The following SOX5 variants were observed in gnomAD, a reference collection of about 807,000 sequenced individuals.
SOX5 encodes SRY-box transcription factor 5, also known as transcription factor SOX-5.
A neutral mutation model predicts 92.0 loss-of-function variants in SOX5; 9 were observed. The ratio of observed to expected loss-of-function variants is 0.10; its 90% confidence interval spans 0.06 to 0.17. SOX5 has a LOEUF of 0.17. Ranked by LOEUF, SOX5 falls within the 10% of genes least tolerant of loss-of-function variation. The probability of loss-of-function intolerance (pLI) is 1.00; values close to 1 mark genes in which losing one functional copy is unlikely to be tolerated. For missense variants in SOX5, 642 were observed against 944.5 expected (o/e 0.68, Z 4.20); for synonymous variants, 344 against 336.3 (o/e 1.02, Z -0.25).
intron 1 of SOX5, among the ~76,000 whole-genome samples, chr12:24,391,891 T>A (rs1304706286): frequency 6.6e-6 from 1 of 152,208 alleles, no homozygotes; most frequent in Non-Finnish European, 1.5e-5. Flanking sequence ...AGTCTCTTGA[T>A]GCTTTTCTTC....
At chr12:23,854,591 TA>T (rs2096667536) in intron 2 of SOX5, among the ~76,000 whole-genome samples, 1 of 152,040 alleles carries the variant, frequency 6.6e-6, no homozygotes, top group South Asian at 2.1e-4. Context: ...ATAAACTTTT[TA>T]AAAAGGAAAT....
At chr12:24,017,433 C>T (rs1569491995) in intron 4 of SOX5, among the ~76,000 whole-genome samples, 1 of 151,832 alleles carries the variant, frequency 6.6e-6, no homozygotes, top group African/African-American at 2.4e-5. Context: ...CCCATCTCTA[C>T]TAAAAATGCA....
chr12:23,904,006 C>T (rs1425461178), intron 1 of SOX5, among the ~76,000 whole-genome samples: 2 of 152,114 alleles, frequency 1.3e-5, no homozygotes, highest in South Asian at 4.1e-4. Context: ...TAAAAAATAT[C>T]AATTTCATTA....
At chr12:24,039,124 T>C (rs1289777665) in intron 4 of SOX5, among the ~76,000 whole-genome samples, 1 of 152,110 alleles carries the variant, frequency 6.6e-6, no homozygotes, top group African/African-American at 2.4e-5. Flanking sequence ...TTTCTAATGG[T>C]AAATACTAAA....
At chr12:24,335,211 C>A (rs993263329) in intron 2 of SOX5, among the ~76,000 whole-genome samples, 1 of 152,146 alleles carries the variant, frequency 6.6e-6, no homozygotes, top group African/African-American at 2.4e-5. Context: ...TCTCAACAAA[C>A]CTGAATGTTC....
At chr12:23,743,494 TA>T (rs1201598129) in intron 4 of SOX5, among the ~76,000 whole-genome samples, 1 of 151,994 alleles carries the variant, frequency 6.6e-6, no homozygotes, top group Admixed American at 6.6e-5. Flanking sequence ...ATATTTTTAG[TA>T]GAGACGGGAT....
At chr12:23,783,668 A>T (rs568845110) in intron 3 of SOX5, among the ~76,000 whole-genome samples, 1 of 152,360 alleles carries the variant, frequency 6.6e-6, no homozygotes, top group East Asian at 1.9e-4. Context: ...TATGAAAACC[A>T]TATAGCACAA....
At chr12:24,042,517 T>A (rs1450918531) in intron 4 of SOX5, among the ~76,000 whole-genome samples, 3 of 152,156 alleles carry the variant, frequency 2.0e-5, no homozygotes, top group Non-Finnish European at 1.5e-5. Context: ...CTGACTGGAA[T>A]ATTTGAAAGT....
At chr12:23,723,213 C>CCTCT (rs375588805) in intron 6 of SOX5, among the ~76,000 whole-genome samples, 2 of 149,184 alleles carry the variant, frequency 1.3e-5, no homozygotes, top group African/African-American at 4.9e-5. Flanking sequence ...TCTCTTTCTC[C>CCTCT]CTCTCTCTCT....
At chr12:24,472,090 A>G (rs1388680113) in intron 1 of SOX5, among the ~76,000 whole-genome samples, 1 of 152,250 alleles carries the variant, frequency 6.6e-6, no homozygotes, top group Non-Finnish European at 1.5e-5. Flanking sequence ...TAAAATAAAC[A>G]GATATGAGTC....
At chr12:24,008,000 T>C (rs1288944222) in intron 4 of SOX5, among the ~76,000 whole-genome samples, 1 of 151,704 alleles carries the variant, frequency 6.6e-6, no homozygotes, top group Non-Finnish European at 1.5e-5. Flanking sequence ...AAAAAGTATA[T>C]CTTCTTTGGT....
rs541431098 is a variant in SOX5, at chr12:24,157,596, G to A, written c.-2+55747C>T. ...TAGATTGAAGATCCAGCTCATTACA[G>A]TTATCCTATGGGTCAATGTACTCTG... is the stretch of plus-strand genomic sequence containing the variant. On this transcript the variant is annotated intron_variant, in intron 4 of 4. Coordinates refer to the SOX5 transcript ENST00000446891. 9.2e-5 allele frequency among the ~76,000 whole-genome samples: 14 copies of A among 152,186 alleles called. No homozygotes were observed. In the East Asian group the frequency reaches 2.3e-3, roughly 25 times the overall value.
intron 2 of SOX5, among the ~76,000 whole-genome samples, chr12:24,288,293 C>G (rs898140145): frequency 6.6e-6 from 1 of 152,162 alleles, no homozygotes; most frequent in Admixed American, 6.5e-5. Flanking sequence ...GGAAGTGGTG[C>G]TAAGGTTGAG....
intron 4 of SOX5, among the ~76,000 whole-genome samples, chr12:24,064,218 C>T (rs934058743): frequency 3.9e-5 from 6 of 152,222 alleles, no homozygotes; most frequent in African/African-American, 2.4e-5. Flanking sequence ...AACACTGGTG[C>T]TCTTCAAAGA....
In SOX5 at chr12:24,437,387, A is replaced by T. The variant is rs559209173; in HGVS notation, c.-250-68748T>A. On this transcript the variant is annotated intron_variant, in intron 1 of 4. Transcript: ENST00000446891. ...AAAACCCTAGAAGAAAACCTAGGCA[A>T]TACCATTCAGGACATAGGCATGGAC... 5.6e-4 allele frequency among the ~76,000 whole-genome samples: 86 copies of T among 152,340 alleles called. 1 individual carries two copies. The highest frequency in any genetic ancestry group is 1.9e-3 in the African/African-American group (81 of 41,590).
chr12:24,155,346 T>G (rs1952057026), intron 4 of SOX5, among the ~76,000 whole-genome samples: 1 of 152,178 alleles, frequency 6.6e-6, no homozygotes, highest in Admixed American at 6.6e-5. Context: ...TATTATCAAG[T>G]GTTTGTCAAA....
chr12:24,017,774 C>T (rs1317718087), intron 4 of SOX5, among the ~76,000 whole-genome samples: 2 of 152,122 alleles, frequency 1.3e-5, no homozygotes, highest in Non-Finnish European at 2.9e-5. Flanking sequence ...CCAACCTTCA[C>T]CATTTTCTTT....
chr12:23,842,971 A>T (rs1489283008), intron 3 of SOX5, among the ~76,000 whole-genome samples: 1 of 152,164 alleles, frequency 6.6e-6, no homozygotes, highest in Non-Finnish European at 1.5e-5. Context: ...TACTTGAGCC[A>T]ATGATCAAGG....
chr12:24,092,683 G>C (rs1593077780), intron 4 of SOX5, among the ~76,000 whole-genome samples: 1 of 152,162 alleles, frequency 6.6e-6, no homozygotes, highest in Non-Finnish European at 1.5e-5. Flanking sequence ...AAGTTTCATA[G>C]ACAAAGTACA....
Sources: gnomAD v4.1 joint callset for allele counts (sites outside exome capture counted in the v4.1 genomes callset) on GRCh38, gnomAD v4.1.1 for gene constraint, MANE v1.5 for transcripts, NCBI Gene and HGNC (gene_info 2026-07-23, HGNC 2026-07-21) for gene names.